FNIP1: variants seen among roughly 807,000 people sequenced by gnomAD.
FNIP1 encodes the protein folliculin-interacting protein 1.
FNIP1 carries 40 observed loss-of-function variants against 124.5 expected under a neutral mutation model. The ratio of observed to expected loss-of-function variants is 0.32; its 90% CI spans 0.25 to 0.42. The LOEUF is 0.42. Ranked by LOEUF, FNIP1 falls within the 10% of genes least tolerant of loss-of-function variation. FNIP1 has a pLI of 1.00. For synonymous variants in FNIP1, 472 were observed against 470.6 expected (o/e 1.00, Z -0.04); for missense variants, 1,176 against 1,403.7 (o/e 0.84, Z 2.59).
chr5:131,730,533 T>A (rs1770045637), intron 3 of FNIP1, among the ~76,000 whole-genome samples: 1 of 152,220 alleles, frequency 6.6e-6, no homozygotes, highest in South Asian at 2.1e-4. Context: ...TTTTGAGAAA[T>A]AAAACTGTGT....
At chr5:131,763,498 G>T (rs1366041941) in intron 1 of FNIP1, among the ~76,000 whole-genome samples, 1 of 152,144 alleles carries the variant, frequency 6.6e-6, no homozygotes, top group African/African-American at 2.4e-5. Context: ...CAGCTTCTGG[G>T]GAAGCCTCAG....
chr5:131,678,630 T>C (rs1448745025), intron 12 of FNIP1, among the ~76,000 whole-genome samples: 5 of 150,364 alleles, frequency 3.3e-5, no homozygotes, highest in African/African-American at 1.2e-4. Context: ...CCAGGATGTC[T>C]CGATCTCCTG....
chr5:131,789,298 ATAAAT>A (rs1772321931), intron 1 of FNIP1, among the ~76,000 whole-genome samples: 1 of 152,166 alleles, frequency 6.6e-6, no homozygotes, highest in African/African-American at 2.4e-5. Flanking sequence ...TATATTTAAA[ATAAAT>A]TAAGTAAAAT....
At chr5:131,727,505 CT>C (rs555689677) in intron 3 of FNIP1, among the ~76,000 whole-genome samples, 3 of 151,942 alleles carry the variant, frequency 2.0e-5, no homozygotes, top group Middle Eastern at 3.4e-3. Context: ...GCTACCCCTG[CT>C]TTTTTTTGCT....
intron 3 of FNIP1, among the ~76,000 whole-genome samples, chr5:131,730,337 G>A (rs2149549640): frequency 6.6e-6 from 1 of 152,254 alleles, no homozygotes; most frequent in South Asian, 2.1e-4. Context: ...TTGATACTGA[G>A]TAAATATAAA....
intron 2 of FNIP1, among the ~76,000 whole-genome samples, chr5:131,736,314 A>G (rs541880398): frequency 5.4e-4 from 82 of 152,220 alleles, no homozygotes; most frequent in Non-Finnish European, 1.1e-3. Context: ...ATGCTATTTT[A>G]CAGATGAGAA....
Position 131,643,687 on chromosome 5 carries a change from T to C in FNIP1, c.*998A>G, listed in dbSNP as rs377080100. 8 of 152,726 alleles carry C rather than the reference T, an allele frequency of 5.2e-5. No individual in the cohort carries two copies. In the South Asian group the frequency reaches 6.2e-4, roughly 12 times the overall value. 9.5% of individuals were successfully genotyped at this position (152,726 alleles called of 1,614,324 possible). On this transcript the variant is annotated 3_prime_UTR_variant, in exon 18 of 18. Transcript: ENST00000510461. ...TTTTAAGAGTTATGAATAGTGTAAATTGAGGATTATTAAGCAGTGAAACAA... is the reference window on the plus strand; with the variant it reads ...TTTTAAGAGTTATGAATAGTGTAAACTGAGGATTATTAAGCAGTGAAACAA...
At chr5:131,722,093 A>G (rs909730779) in intron 3 of FNIP1, among the ~76,000 whole-genome samples, 2 of 152,352 alleles carry the variant, frequency 1.3e-5, no homozygotes, top group Admixed American at 1.3e-4. Context: ...TACTTAAAAG[A>G]TCAGTGTTAT....
At chr5:131,695,451 T>G (rs1768661647) in intron 11 of FNIP1, among the ~76,000 whole-genome samples, 1 of 152,170 alleles carries the variant, frequency 6.6e-6, no homozygotes, top group Non-Finnish European at 1.5e-5. Flanking sequence ...CCACTCTCAA[T>G]ATTCCAGAAG....
chr5:131,779,636 C>T (rs1224120140), intron 1 of FNIP1, among the ~76,000 whole-genome samples: 1 of 148,472 alleles, frequency 6.7e-6, no homozygotes, highest in Non-Finnish European at 1.5e-5. Flanking sequence ...TGCAGTGAGC[C>T]GATATCGCAC....
chr5:131,691,081 T>C (rs1301201303), intron 11 of FNIP1, among the ~76,000 whole-genome samples: 2 of 152,150 alleles, frequency 1.3e-5, no homozygotes, highest in African/African-American at 4.8e-5. Flanking sequence ...ACAGGGAACA[T>C]TTGCCAAAAT....
At chr5:131,794,869 G>A (rs976335924) in intron 1 of FNIP1, among the ~76,000 whole-genome samples, 2 of 152,234 alleles carry the variant, frequency 1.3e-5, no homozygotes, top group African/African-American at 4.8e-5. Context: ...GGGTGAGGAG[G>A]AGTTAGGCTA....
At chr5:131,657,758 A>AAAAAAAAAAAAAC (rs1767248419) in intron 15 of FNIP1, among the ~76,000 whole-genome samples, 14 of 148,504 alleles carry the variant, frequency 9.4e-5, no homozygotes, top group African/African-American at 3.3e-4. Flanking sequence ...AAAAAAAAAA[A>AAAAAAAAAAAAAC]CGGTGGGTGA....
intron 11 of FNIP1, among the ~76,000 whole-genome samples, chr5:131,691,995 C>G (rs1360173120): frequency 1.3e-5 from 2 of 151,512 alleles, no homozygotes. Context: ...CAATATCATA[C>G]TGGAAGTTAT....
intron 1 of FNIP1, among the ~76,000 whole-genome samples, chr5:131,789,210 A>T (rs534511848): frequency 6.6e-6 from 1 of 152,328 alleles, no homozygotes; most frequent in Admixed American, 6.5e-5. Context: ...AAACTAAAAA[A>T]GTTGATCTCA....
chr5:131,693,341 T>TATATATAC (rs1768571041), intron 11 of FNIP1, among the ~76,000 whole-genome samples: 4 of 127,232 alleles, frequency 3.1e-5, no homozygotes, highest in Non-Finnish European at 6.6e-5. Flanking sequence ...TACATATATA[T>TATATATAC]ATATATATAT....
chr5:131,728,013 T>C (rs1431754044), intron 3 of FNIP1, among the ~76,000 whole-genome samples: 2 of 152,226 alleles, frequency 1.3e-5, no homozygotes, highest in Non-Finnish European at 2.9e-5. Context: ...TCCCCCACTC[T>C]CTTCTGGCTT....
At chr5:131,740,499 A>G (rs1580801345) in intron 2 of FNIP1, among the ~76,000 whole-genome samples, 1 of 152,254 alleles carries the variant, frequency 6.6e-6, no homozygotes, top group South Asian at 2.1e-4. Flanking sequence ...GTGAATGGTC[A>G]TATAACTTAA....
At chr5:131,747,885 C>T (rs1770734801) in intron 1 of FNIP1, among the ~76,000 whole-genome samples, 1 of 151,970 alleles carries the variant, frequency 6.6e-6, no homozygotes, top group Admixed American at 6.6e-5. Flanking sequence ...AGGAGAAATA[C>T]AAGGCCTCTG....
Sources: allele counts gnomAD v4.1 joint callset (sites outside exome capture counted in the v4.1 genomes callset), GRCh38; gene constraint gnomAD v4.1.1; transcripts MANE v1.5; gene names NCBI Gene and HGNC (gene_info 2026-07-23, HGNC 2026-07-21).